SUMF1: variants seen among roughly 807,000 people sequenced by gnomAD.
The protein encoded by SUMF1 is sulfatase modifying factor 1, also known as formylglycine-generating enzyme.
In SUMF1, 48 loss-of-function variants were observed where a neutral mutation model predicts 47.6. The observed-to-expected ratio is 1.01, with a 90% CI of 0.80 to 1.28. SUMF1 has a LOEUF of 1.28. Among genes scored for constraint, SUMF1 ranks in the 50% most tolerant of loss-of-function variants. The pLI is 0.00. For synonymous variants in SUMF1, 230 were observed against 192.1 expected (o/e 1.20, Z -1.63); for missense variants, 571 against 485.4 (o/e 1.18, Z -1.66).
At chr3:4,382,913 C>A (rs748840574) in intron 7 of SUMF1, among the ~76,000 whole-genome samples, 1 of 152,024 alleles carries the variant, frequency 6.6e-6, no homozygotes, top group South Asian at 2.1e-4. Context: ...CACACTGGGG[C>A]CTGTCAGGGG....
At chr3:4,273,854 C>CATGGGAAGGGAGGGCATGGGAGGGG (rs1697361073) in intron 8 of SUMF1, among the ~76,000 whole-genome samples, 1 of 88,866 alleles carries the variant, frequency 1.1e-5, no homozygotes, top group Non-Finnish European at 2.3e-5. Flanking sequence ...CATGGGAAGG[C>CATGGGAAGGGAGGGCATGGGAGGGG]AGGGCAGGTC....
chr3:4,050,733 A>G (rs1228663414), intron 9 of SUMF1, among the ~76,000 whole-genome samples: 2 of 134,882 alleles, frequency 1.5e-5, no homozygotes, highest in Non-Finnish European at 3.1e-5. Context: ...GGGCAACCAG[A>G]GTGAGACCCT....
intron 8 of SUMF1, among the ~76,000 whole-genome samples, chr3:4,151,403 ATG>A (rs1694322456): frequency 1.0e-5 from 1 of 100,316 alleles, no homozygotes; most frequent in Non-Finnish European, 2.1e-5. Context: ...ATATATGTAT[ATG>A]TATATATGTA....
Position 4,105,882 on chromosome 3 carries a change from AATG to A in SUMF1, c.1015-37140_1015-37138del, listed in dbSNP as rs1325478008. ...TATTATTCTAACAATACAATTATAA[AATG>A]ATATGTGGTTTATTTAATAAACTAC... On this transcript the variant is annotated intron_variant and NMD_transcript_variant, in intron 8 of 12. Coordinates refer to the SUMF1 transcript ENST00000448413. Among the ~76,000 whole-genome samples, 6 of 152,254 alleles carry A rather than the reference AATG, an allele frequency of 3.9e-5. No individual in the cohort carries two copies. In the East Asian group the frequency reaches 9.6e-4, roughly 24 times the overall value.
intron 8 of SUMF1, among the ~76,000 whole-genome samples, chr3:4,159,031 A>G (rs1319350773): frequency 1.3e-5 from 2 of 151,488 alleles, no homozygotes; most frequent in East Asian, 3.9e-4. Flanking sequence ...AAGTTGTTGC[A>G]GTTTTTTTAT....
intron 8 of SUMF1, among the ~76,000 whole-genome samples, chr3:4,115,030 C>T (rs1249806274): frequency 6.6e-6 from 1 of 151,546 alleles, no homozygotes; most frequent in East Asian, 1.9e-4. Context: ...CCAAATGTTG[C>T]ATTTTTCCAA....
chr3:4,109,744 C>T (rs1362902827), intron 8 of SUMF1, among the ~76,000 whole-genome samples: 4 of 152,058 alleles, frequency 2.6e-5, no homozygotes, highest in African/African-American at 9.7e-5. Context: ...GCATTTGTCA[C>T]GTAGTTCTTG....
intron 8 of SUMF1, among the ~76,000 whole-genome samples, chr3:4,336,720 T>C (rs1180227625): frequency 2.6e-5 from 4 of 152,262 alleles, no homozygotes; most frequent in African/African-American, 9.6e-5. Flanking sequence ...CTCAGCTGAA[T>C]GCCCAGGCAT....
At chr3:4,038,373 G>T (rs995924832) in intron 9 of SUMF1, among the ~76,000 whole-genome samples, 5 of 152,124 alleles carry the variant, frequency 3.3e-5, no homozygotes, top group Non-Finnish European at 7.4e-5. Flanking sequence ...CCCATAGGTC[G>T]ACTGCAGCTT....
At chr3:4,330,087 C>A (rs1699020208) in intron 8 of SUMF1, among the ~76,000 whole-genome samples, 1 of 152,202 alleles carries the variant, frequency 6.6e-6, no homozygotes, top group Admixed American at 6.5e-5. Flanking sequence ...CCATCTGAGA[C>A]CACCTCAGCC....
At chr3:4,303,661 A>C (rs1427775274) in intron 8 of SUMF1, 1 of 1,460,770 alleles carries the variant, frequency 6.8e-7, no homozygotes, top group East Asian at 2.8e-5. Flanking sequence ...GGTGCGCGGG[A>C]ATAGGTGTGC....
chr3:4,154,202 G>C lies in SUMF1; in HGVS notation c.1015-85457C>G, dbSNP rs193139295. 1.0e-3 allele frequency among the ~76,000 whole-genome samples: 157 copies of C among 151,602 alleles called. 2 individuals are homozygous for C. Among genetic ancestry groups the C allele is most frequent in the Admixed American group, 6.0e-3 (91 of 15,274 alleles). On this transcript the variant is annotated intron_variant and NMD_transcript_variant, in intron 8 of 12. Transcript: ENST00000448413. ...AAGTGGGGCAGAGCTACTCCAGAAA[G>C]AACTGGCAGCATGGAGAAAGGCATG...
chr3:4,132,822 G>A (rs947036935), intron 8 of SUMF1, among the ~76,000 whole-genome samples: 1 of 152,090 alleles, frequency 6.6e-6, no homozygotes, highest in Admixed American at 6.6e-5. Context: ...CCACAACGGA[G>A]GTAAGGAAGA....
intron 8 of SUMF1, among the ~76,000 whole-genome samples, chr3:4,210,497 C>T (rs766722194): frequency 6.6e-6 from 1 of 152,126 alleles, no homozygotes; most frequent in African/African-American, 2.4e-5. Flanking sequence ...TTACATACCA[C>T]TGAAGTTCAA....
rs146147391 is a variant in SUMF1, at chr3:4,466,838, T to C, written c.270+138A>G. On this transcript the variant is annotated intron_variant, in intron 1 of 8. Transcript: ENST00000272902. ...TGAGGCACGGAGAAGGAACTCCTCA[T>C]ACGGGAACAGCAGGTGCTCGATTTG... is the stretch of plus-strand genomic sequence containing the variant. 4,750 of 1,329,710 alleles carry C rather than the reference T, an allele frequency of 3.6e-3. 10 individuals carry two copies. The highest frequency in any genetic ancestry group is 5.7e-3 in the Middle Eastern group (21 of 3,710). The allele number at this position is 1,329,710 out of a possible 1,614,324, so 82.4% of individuals were successfully genotyped here.
intron 8 of SUMF1, among the ~76,000 whole-genome samples, chr3:4,283,010 T>C (rs752262772): frequency 2.6e-5 from 4 of 152,340 alleles, no homozygotes; most frequent in Non-Finnish European, 4.4e-5. Context: ...ACTGCCTCTC[T>C]TTTTCAGACT....
intron 8 of SUMF1, among the ~76,000 whole-genome samples, chr3:4,257,908 A>G (rs963663506): frequency 2.6e-5 from 4 of 151,688 alleles, no homozygotes; most frequent in African/African-American, 7.2e-5. Flanking sequence ...TGGTACCAAA[A>G]CAGAGATATA....
Position 4,086,896 on chromosome 3 carries a change from C to T in SUMF1, c.1015-18151G>A, listed in dbSNP as rs544856163. Among the ~76,000 whole-genome samples the T allele has an allele frequency of 1.3e-3, 196 of 152,178 alleles. 2 individuals carry two copies. Among genetic ancestry groups the T allele is most frequent in the Non-Finnish European group, 2.1e-3 (140 of 68,010 alleles). ...CCACATAAGACATGCCTCTTGCCTT[C>T]CACCATGATTATGAGGCCTCCTCAG... On this transcript the variant is annotated intron_variant and NMD_transcript_variant, in intron 8 of 12. Coordinates refer to the SUMF1 transcript ENST00000448413.
intron 7 of SUMF1, among the ~76,000 whole-genome samples, chr3:4,407,573 G>A (rs1376427757): frequency 3.3e-5 from 5 of 152,138 alleles, no homozygotes; most frequent in Non-Finnish European, 7.4e-5. Flanking sequence ...TATTATTGTA[G>A]GGTCAATAAT....
Sources: gnomAD v4.1 joint callset for allele counts (sites outside exome capture counted in the v4.1 genomes callset) on GRCh38, gnomAD v4.1.1 for gene constraint, MANE v1.5 for transcripts, NCBI Gene and HGNC (gene_info 2026-07-23, HGNC 2026-07-21) for gene names.